MSH4: variants seen among roughly 807,000 people sequenced by gnomAD.
MSH4 encodes the protein mutS homolog 4.
MSH4 carries 106 observed loss-of-function variants against 113.7 expected under a neutral mutation model. The observed-to-expected ratio is 0.93, with a 90% CI of 0.80 to 1.10. The LOEUF (loss-of-function observed/expected upper bound fraction) is 1.10, where lower values mean the gene tolerates loss of function less well. Among genes scored for constraint, MSH4 ranks in the 50% least tolerant of loss-of-function variants. The pLI is 0.00. For synonymous variants in MSH4, 368 were observed against 380.2 expected, an observed-to-expected ratio of 0.97 and a Z score of 0.37; for missense variants, 1,061 against 1,093.7, an observed-to-expected ratio of 0.97 and a Z score of 0.42.
At chr1:75,807,711 G>A (rs555022101) in intron 3 of MSH4, among the ~76,000 whole-genome samples, 6 of 152,322 alleles carry the variant, frequency 3.9e-5, no homozygotes, top group South Asian at 2.1e-4. Context: ...GGATAGACTT[G>A]TGGATTTAAG....
At position 75,878,982 on chromosome 1, in the gene MSH4, T is replaced by A. The variant is rs759586367; in HGVS notation, c.1541-10T>A. On this transcript the variant is annotated splice_polypyrimidine_tract_variant and intron_variant, in intron 11 of 19. Coordinates refer to ENST00000263187, the MANE Select transcript of MSH4 (RefSeq NM_002440.4). ...GTTTTGTTTTTGTTTTTCTTGTTTC[T>A]GGTCACCAGGAATGATATCACAACT... The A allele has an allele frequency of 4.4e-6, 7 of 1,592,828 alleles. No homozygotes were observed.
chr1:75,911,858 A>T (rs2100601092), intron 19 of MSH4, among the ~76,000 whole-genome samples: 1 of 152,152 alleles, frequency 6.6e-6, no homozygotes, highest in East Asian at 1.9e-4. Context: ...AGTTGAAGGG[A>T]TTATATTTCA....
At chr1:75,830,481 A>G (rs1366519650) in intron 7 of MSH4, among the ~76,000 whole-genome samples, 5 of 152,180 alleles carry the variant, frequency 3.3e-5, no homozygotes, top group African/African-American at 4.8e-5. Context: ...TCCAAGACAC[A>G]TAATTGTCAG....
chr1:75,890,886 T>C (rs1311202278), intron 17 of MSH4, 62 bp downstream of exon 17: 5 of 1,310,276 alleles, frequency 3.8e-6, no homozygotes, highest in South Asian at 1.4e-5. Context: ...TTTATTATTA[T>C]TGAATTTTAT....
At chr1:75,818,903 C>A (rs1469513402) in intron 6 of MSH4, among the ~76,000 whole-genome samples, 1 of 152,008 alleles carries the variant, frequency 6.6e-6, no homozygotes, top group African/African-American at 2.4e-5. Flanking sequence ...GCTGGGACTA[C>A]AGGCACCCAC....
In MSH4 at chr1:75,879,099, A is replaced by G. The variant is rs759661183; in HGVS notation, c.1648A>G (p.Ser550Gly). 1.9e-6 allele frequency: 3 copies of G among 1,611,424 alleles called. No individual in the cohort carries two copies. The highest frequency in any genetic ancestry group is 1.1e-5 in the South Asian group (1 of 90,954). Residue 550 changes from serine (S) to glycine (G), a missense_variant, in exon 12 of 20, where the codon AGT becomes GGT. Physicochemically the swap from Ser to Gly is moderately conservative, Grantham distance 56. Transcript: ENST00000263187. ...QMTTDCIALP[S>G]DQLPSEFIKI... ...GACTACAGATTGTATAGCCCTACCT[A>G]GTGATCAACTTCCTTCAGAATTTAT...
chr1:75,880,612 G>T (rs952982144), intron 13 of MSH4, among the ~76,000 whole-genome samples: 2 of 152,042 alleles, frequency 1.3e-5, no homozygotes, highest in Non-Finnish European at 2.9e-5. Context: ...AAAGAGAAAG[G>T]TTGGGCTTTC....
chr1:75,824,930 G>A (rs944176201), intron 7 of MSH4, among the ~76,000 whole-genome samples: 1 of 120,414 alleles, frequency 8.3e-6, no homozygotes, highest in Admixed American at 8.9e-5. Context: ...GCTTAGGATT[G>A]TTTTGGCTAT....
intron 7 of MSH4, among the ~76,000 whole-genome samples, chr1:75,823,623 C>G (rs942085838): frequency 3.2e-4 from 49 of 152,112 alleles, no homozygotes; most frequent in African/African-American, 1.1e-3. Flanking sequence ...CTCTCCCTCC[C>G]CTTTCCCTCC....
intron 17 of MSH4, among the ~76,000 whole-genome samples, chr1:75,892,245 TG>T (rs1652272041): frequency 6.6e-6 from 1 of 152,182 alleles, no homozygotes; most frequent in Admixed American, 6.5e-5. Context: ...CTGCCAGCTT[TG>T]GACTGGAGTT....
intron 7 of MSH4, among the ~76,000 whole-genome samples, chr1:75,845,637 T>A (rs1053235660): frequency 7.2e-5 from 11 of 152,262 alleles, no homozygotes; most frequent in Admixed American, 5.2e-4. Flanking sequence ...GCAGCTCTCA[T>A]GGTTTGCAGT....
chr1:75,898,362 A>G (rs1227723923), intron 18 of MSH4, among the ~76,000 whole-genome samples: 1 of 152,086 alleles, frequency 6.6e-6, no homozygotes, highest in African/African-American at 2.4e-5. Context: ...AATGTAATTT[A>G]TCTTATATTT....
At chr1:75,837,706 T>C (rs1203671330) in intron 7 of MSH4, among the ~76,000 whole-genome samples, 3 of 152,104 alleles carry the variant, frequency 2.0e-5, no homozygotes, top group Non-Finnish European at 4.4e-5. Flanking sequence ...CTTTTCTAAA[T>C]CAGTTCTTCC....
Position 75,890,724 on chromosome 1 carries a change from A to G in MSH4, c.2255A>G (p.Asp752Gly). Residue 752 changes from aspartate (D) to glycine (G), a missense_variant, in exon 17 of 20, where the codon GAC becomes GGC. By Grantham distance (94) the Asp-to-Gly change is moderately conservative. Transcript: ENST00000263187. The part of the protein sequence containing the change: ...EIAYILHNAN[D>G]KSLILIDELG... Reference sequence around the variant, plus strand: ...GCATATATTCTACATAATGCTAATGACAAATCGCTCATATTAATTGATGAA... The same window carrying G: ...GCATATATTCTACATAATGCTAATGGCAAATCGCTCATATTAATTGATGAA... 1 of 1,600,250 alleles carries G rather than the reference A, an allele frequency of 6.2e-7. No individual in the cohort carries two copies. Among genetic ancestry groups the G allele is most frequent in the Non-Finnish European group, 8.5e-7 (1 of 1,171,212 alleles).
At chr1:75,837,208 C>T (rs180750347) in intron 7 of MSH4, among the ~76,000 whole-genome samples, 144 of 152,188 alleles carry the variant, frequency 9.5e-4, no homozygotes, top group African/African-American at 3.3e-3. Context: ...GAGAAGGTAC[C>T]ATCTATGAGT....
At position 75,834,934 on chromosome 1, in the gene MSH4, ATGAAG is replaced by A. The variant is rs369005916; in HGVS notation, c.1162+12358_1162+12362del. Among the ~76,000 whole-genome samples, 60 of 152,348 alleles carry A rather than the reference ATGAAG, an allele frequency of 3.9e-4. 1 individual carries two copies. Among genetic ancestry groups the A allele is most frequent in the African/African-American group, 1.4e-3 (59 of 41,592 alleles). On this transcript the variant is annotated intron_variant, in intron 7 of 19. Transcript: ENST00000263187. Reference sequence around the variant, plus strand: ...ACTTAAAGTATAATAATAATAACAAATGAAGTGAAAAATAAAAAGGAAAAGAAAGT... The same window carrying A: ...ACTTAAAGTATAATAATAATAACAAATGAAAAATAAAAAGGAAAAGAAAGT...
chr1:75,903,509 G>A (rs1448461827), intron 19 of MSH4, among the ~76,000 whole-genome samples: 2 of 151,944 alleles, frequency 1.3e-5, no homozygotes, highest in African/African-American at 4.8e-5. Flanking sequence ...TTGACTATTT[G>A]AAGTATTTTG....
intron 6 of MSH4, 121 bp from the exon 7 acceptor site, chr1:75,822,288 C>CAAAA (rs33965683): frequency 1.0e-4 from 40 of 387,116 alleles, no homozygotes; most frequent in Admixed American, 1.9e-4. Flanking sequence ...GACTCTGTTT[C>CAAAA]AAAAAAAAAA....
chr1:75,832,742 A>G (rs1650730526), intron 7 of MSH4, among the ~76,000 whole-genome samples: 1 of 151,084 alleles, frequency 6.6e-6, no homozygotes, highest in African/African-American at 2.4e-5. Context: ...ACAGCCCTTC[A>G]TGCTAAAAAC....
Sources: allele counts gnomAD v4.1 joint callset (sites outside exome capture counted in the v4.1 genomes callset), GRCh38; gene constraint gnomAD v4.1.1; transcripts MANE v1.5; gene names NCBI Gene and HGNC (gene_info 2026-07-23, HGNC 2026-07-21).